Variants in SHROOM2 observed in about 807,000 individuals in gnomAD.
SHROOM2 encodes protein Shroom2.
In SHROOM2, 33 loss-of-function variants were observed where a neutral mutation model predicts 75.9. That is an observed-to-expected ratio of 0.43 (90% CI 0.33 to 0.58). The LOEUF (loss-of-function observed/expected upper bound fraction) is 0.58, where lower values mean the gene tolerates loss of function less well. Ranked by LOEUF, SHROOM2 falls within the 20% of genes least tolerant of loss-of-function variation. SHROOM2 has a pLI of 0.04. For synonymous variants in SHROOM2, 655 were observed against 663.6 expected, an observed-to-expected ratio of 0.99 and a Z score of 0.20; for missense variants, 1,434 against 1,461.2, an observed-to-expected ratio of 0.98 and a Z score of 0.30.
intron 8 of SHROOM2, among the ~76,000 whole-genome samples, chrX:9,942,815 C>T (rs193152723): frequency 8.1e-5 from 9 of 111,127 alleles, no homozygotes; most frequent in Admixed American, 2.9e-4. Context: ...AGACTACAAT[C>T]CAGTCCTAAC....
At position 9,894,467 on chromosome X, in the gene SHROOM2, C is replaced by T. The variant is rs1233283880; in HGVS notation, c.559C>T (p.Arg187Cys). Residue 187 changes from arginine (R) to cysteine (C), a missense_variant, in exon 4 of 10, where the codon CGC (arginine) becomes TGC (cysteine). Around this residue, in one of 3 missense-constraint regions of SHROOM2, gnomAD observed 1,340 missense variants for 1,338.3 expected, o/e 1.00. Transcript: ENST00000380913. ...SVDSLDHPSS[R>C]LSVAKSNSSI... ...TGACAGCCTGGACCACCCCTCCAGT[C>T]GCCTCTCGGTGGCCAAGTCCAACAG... 9 of 1,209,139 alleles carry T rather than the reference C, an allele frequency of 7.4e-6. No individual in the cohort carries two copies. The highest frequency in any genetic ancestry group is 3.0e-5 in the East Asian group (1 of 33,748).
chrX:9,790,019 A>T, intron 1 of SHROOM2, among the ~76,000 whole-genome samples: 1 of 112,202 alleles, frequency 8.9e-6, no homozygotes, highest in East Asian at 2.8e-4. Flanking sequence ...CTCTGAGAAC[A>T]TTTCTCTGGA....
chrX:9,894,185 A>G (rs758720423), intron 3 of SHROOM2, among the ~76,000 whole-genome samples, 173 bp from the exon 4 acceptor site: 50 of 111,329 alleles, frequency 4.5e-4, no homozygotes, highest in African/African-American at 1.6e-3. Context: ...CCGTGTCTCT[A>G]CTAAAATCCA....
chrX:9,884,934 G>A (rs745863333), intron 2 of SHROOM2, among the ~76,000 whole-genome samples: 2 of 111,791 alleles, frequency 1.8e-5, no homozygotes, highest in African/African-American at 3.3e-5. Flanking sequence ...CCTGGGCTGG[G>A]TGTGGTGGCT....
chrX:9,869,300 A>G (rs1475539117), intron 1 of SHROOM2, among the ~76,000 whole-genome samples: 1 of 112,834 alleles, frequency 8.9e-6, no homozygotes. Flanking sequence ...ACTTTTTATT[A>G]TGGTAAAATA....
chrX:9,832,285 T>G (rs2083920634), intron 1 of SHROOM2, among the ~76,000 whole-genome samples: 1 of 111,420 alleles, frequency 9.0e-6, no homozygotes, highest in Non-Finnish European at 1.9e-5. Context: ...GACTTGGTTC[T>G]GCTATGGGAG....
chrX:9,813,914 C>T (rs1476352403), intron 1 of SHROOM2, among the ~76,000 whole-genome samples: 1 of 112,050 alleles, frequency 8.9e-6, no homozygotes, highest in East Asian at 2.8e-4. Flanking sequence ...CCTGCCACCT[C>T]GGGATCCAAT....
In SHROOM2 at chrX:9,808,506, G is replaced by T. The variant is rs145154339; in HGVS notation, c.165+21796G>T. Among the ~76,000 whole-genome samples the T allele has an allele frequency of 6.0e-4, 66 of 110,495 alleles. No individual in the cohort carries two copies. The East Asian group carries it at 6.8e-3, about 11-fold the overall frequency. On this transcript the variant is annotated intron_variant, in intron 1 of 9. Transcript: ENST00000380913. ...GGAGGCTGCAGTGAGCTATCATTAC[G>T]GCACTGTACTCCAGCCTAGGTGACA...
chrX:9,812,143 G>A (rs1001047929), intron 1 of SHROOM2, among the ~76,000 whole-genome samples: 3 of 111,836 alleles, frequency 2.7e-5, no homozygotes, highest in Non-Finnish European at 1.9e-5. Context: ...GAGAGTAGTT[G>A]TCTGCAGAAG....
intron 1 of SHROOM2, among the ~76,000 whole-genome samples, chrX:9,835,742 T>C (rs1392093093): frequency 1.4e-3 from 154 of 106,813 alleles, no homozygotes; most frequent in African/African-American, 5.4e-3. Flanking sequence ...TTTTTTTTTT[T>C]GGTTGTTTTG....
At chrX:9,819,051 C>T (rs1168880662) in intron 1 of SHROOM2, 7 of 1,136,480 alleles carry the variant, frequency 6.2e-6, no homozygotes, top group Non-Finnish European at 8.4e-6. Flanking sequence ...CTTTCCTGTA[C>T]CACTGTCACT....
intron 1 of SHROOM2, among the ~76,000 whole-genome samples, chrX:9,843,925 T>C (rs1172748486): frequency 8.9e-6 from 1 of 112,823 alleles, no homozygotes; most frequent in Non-Finnish European, 1.9e-5. Flanking sequence ...ACGATATGTT[T>C]TGTTTTTTAG....
intron 1 of SHROOM2, among the ~76,000 whole-genome samples, chrX:9,862,412 G>A (rs2084109580): frequency 9.1e-6 from 1 of 109,837 alleles, no homozygotes; most frequent in Non-Finnish European, 1.9e-5. Flanking sequence ...GTCGCTGAGG[G>A]CCACCGCTGG....
intron 5 of SHROOM2, among the ~76,000 whole-genome samples, chrX:9,922,874 T>C (rs2084559702): frequency 9.0e-6 from 1 of 111,633 alleles, no homozygotes; most frequent in Admixed American, 9.5e-5. Context: ...CATGTAGCTG[T>C]CCTCAGCTTT....
At chrX:9,928,451 C>T (rs1327543106) in intron 5 of SHROOM2, among the ~76,000 whole-genome samples, 3 of 112,630 alleles carry the variant, frequency 2.7e-5, no homozygotes, top group Admixed American at 9.4e-5. Flanking sequence ...ATCTTAGTGC[C>T]TTGCTTACTC....
At chrX:9,920,109 A>G (rs1046882840) in intron 5 of SHROOM2, among the ~76,000 whole-genome samples, 1 of 109,973 alleles carries the variant, frequency 9.1e-6, no homozygotes. Context: ...TCAAATCACT[A>G]CAACTCATCA....
At chrX:9,849,370 C>T (rs1010137863) in intron 1 of SHROOM2, among the ~76,000 whole-genome samples, 6 of 112,118 alleles carry the variant, frequency 5.4e-5, no homozygotes, top group Non-Finnish European at 1.1e-4. Flanking sequence ...GACTCCTCCC[C>T]ACAGTTCGCC....
intron 1 of SHROOM2, among the ~76,000 whole-genome samples, chrX:9,849,297 A>G (rs1429197775): frequency 9.0e-6 from 1 of 110,524 alleles, no homozygotes; most frequent in African/African-American, 3.3e-5. Flanking sequence ...GTGTACTCCC[A>G]CCTCTGCTTC....
Position 9,937,159 on chromosome X carries a change from A to G in SHROOM2, c.3613A>G (p.Thr1205Ala). Residue 1205 changes from threonine (T) to alanine (A), a missense_variant, in exon 7 of 10, where the codon ACC (threonine) becomes GCC (alanine). Coordinates refer to ENST00000380913, the MANE Select transcript of SHROOM2 (RefSeq NM_001649.4). ...TRIERVMDNNTTVKMVPIKIV... is the reference protein window; with the variant it reads ...TRIERVMDNNATVKMVPIKIV... ...AATTGAGCGGGTGATGGACAACAAC[A>G]CCACGGTGAAGATGGTGCCCATCAA... 8.3e-7 allele frequency: 1 copy of G among 1,198,975 alleles called. No individual in the cohort carries two copies. Among genetic ancestry groups the G allele is most frequent in the East Asian group, 3.0e-5 (1 of 33,288 alleles).
Sources: gnomAD v4.1 joint callset for allele counts (sites outside exome capture counted in the v4.1 genomes callset) on GRCh38, gnomAD v4.1.1 for gene constraint, gnomAD v4.1.1 regional missense constraint, MANE v1.5 for transcripts, NCBI Gene and HGNC (gene_info 2026-07-23, HGNC 2026-07-21) for gene names.